The following PDE4D variants were observed in gnomAD, a reference collection of about 807,000 sequenced individuals.
PDE4D encodes phosphodiesterase 4D.
In PDE4D, 24 loss-of-function variants were observed where a neutral mutation model predicts 87.4. That is an observed-to-expected ratio of 0.27 (90% CI 0.20 to 0.39). The LOEUF is 0.39. Among genes scored for constraint, PDE4D ranks in the 10% least tolerant of loss-of-function variants. PDE4D has a pLI of 1.00. For missense variants in PDE4D, 714 were observed against 1,041.0 expected (o/e 0.69, Z 4.32); for synonymous variants, 384 against 383.2 (o/e 1.00, Z -0.02).
At position 59,893,231 on chromosome 5, in the gene PDE4D, C is replaced by G. The variant is rs752782297; in HGVS notation, c.392G>C (p.Gly131Ala). ...MDRTSYAVETGHRPGLKKSRM... is the reference protein window; with the variant it reads ...MDRTSYAVETAHRPGLKKSRM... ...GGATTTCTTCAGGCCGGGCCGGTGG[C>G]CGGTCTCCACCGCGTAGGAGGTGCG... Residue 131 changes from glycine to alanine, a missense_variant, in exon 1 of 15, where the codon GGC (glycine) becomes GCC (alanine). By Grantham distance (60) the Gly-to-Ala change is moderately conservative (BLOSUM62 0). Around this residue, in one of 7 missense-constraint regions of PDE4D, gnomAD observed 268 missense variants for 272.9 expected, o/e 0.98. Coordinates refer to ENST00000340635, the MANE Select transcript of PDE4D (RefSeq NM_001104631.2). 1.3e-6 allele frequency: 2 copies of G among 1,558,688 alleles called. No individual in the cohort carries two copies. Among genetic ancestry groups the G allele is most frequent in the Middle Eastern group, 1.7e-4 (1 of 5,994 alleles).
At chr5:59,030,902 T>C (rs1459992985) in intron 6 of PDE4D, among the ~76,000 whole-genome samples, 1 of 152,134 alleles carries the variant, frequency 6.6e-6, no homozygotes, top group East Asian at 1.9e-4. Flanking sequence ...GTTTGTTACA[T>C]AGGTAAACAT....
At chr5:59,768,400 A>T (rs1561630827) in intron 1 of PDE4D, 1 of 1,598,410 alleles carries the variant, frequency 6.3e-7, no homozygotes, top group Non-Finnish European at 8.5e-7. Flanking sequence ...ATGCTGCAAC[A>T]GGTTTTCTCG....
At chr5:60,165,050 C>T (rs2149470121) in intron 2 of PDE4D, among the ~76,000 whole-genome samples, 1 of 152,286 alleles carries the variant, frequency 6.6e-6, no homozygotes, top group South Asian at 2.1e-4. Context: ...CCTCCCCCAA[C>T]CTGTCTAGCC....
chr5:60,160,618 T>C (rs1782393009), intron 2 of PDE4D, among the ~76,000 whole-genome samples: 1 of 152,168 alleles, frequency 6.6e-6, no homozygotes, highest in Admixed American at 6.5e-5. Flanking sequence ...ATCTATCAAA[T>C]CTCATTGGTT....
intron 1 of PDE4D, among the ~76,000 whole-genome samples, chr5:59,536,321 C>T (rs1031325715): frequency 1.6e-4 from 25 of 151,520 alleles, no homozygotes; most frequent in Non-Finnish European, 3.4e-4. Flanking sequence ...CTGGCTAACA[C>T]GATGAAACCC....
intron 1 of PDE4D, among the ~76,000 whole-genome samples, chr5:60,306,726 G>A (rs1257229361): frequency 1.3e-5 from 2 of 151,984 alleles, no homozygotes; most frequent in Non-Finnish European, 2.9e-5. Context: ...TCTGATTAAC[G>A]TGACAGACTA....
intron 1 of PDE4D, among the ~76,000 whole-genome samples, chr5:59,619,780 G>A: frequency 6.6e-6 from 1 of 152,072 alleles, no homozygotes; most frequent in East Asian, 1.9e-4. Context: ...CAAAGACTAA[G>A]AAAAAATTTC....
intron 1 of PDE4D, among the ~76,000 whole-genome samples, chr5:59,635,442 A>G (rs971589472): frequency 3.3e-5 from 5 of 152,312 alleles, no homozygotes; most frequent in Admixed American, 2.6e-4. Context: ...CAAAAAAAGA[A>G]AATCTCAGGC....
Position 59,683,691 on chromosome 5 carries a change from C to T in PDE4D, c.455+209477G>A, listed in dbSNP as rs192051994. 1.9e-3 allele frequency among the ~76,000 whole-genome samples: 283 copies of T among 152,230 alleles called. 6 individuals carry two copies. The highest frequency in any genetic ancestry group is 0.016 in the Admixed American group (237 of 15,290). On this transcript the variant is annotated intron_variant, in intron 1 of 14. Coordinates refer to ENST00000340635, the MANE Select transcript of PDE4D (RefSeq NM_001104631.2). ...GCTAAATCGTTCCATTACATTTTGG[C>T]CTTATGCCCTATATTTTTATCTTCT... is the stretch of plus-strand genomic sequence containing the variant.
intron 5 of PDE4D, among the ~76,000 whole-genome samples, chr5:59,155,276 G>A (rs952972716): frequency 5.9e-5 from 9 of 152,198 alleles, no homozygotes; most frequent in Admixed American, 2.6e-4. Flanking sequence ...AGACCATGAA[G>A]AATAGTGAAA....
chr5:59,913,991 T>A (rs185518222), intron 3 of PDE4D, among the ~76,000 whole-genome samples: 1 of 152,158 alleles, frequency 6.6e-6, no homozygotes, highest in African/African-American at 2.4e-5. Context: ...CCTTCTTAAA[T>A]ATGGTTTAAG....
At chr5:59,519,525 A>C (rs1013749163) in intron 1 of PDE4D, among the ~76,000 whole-genome samples, 5 of 152,210 alleles carry the variant, frequency 3.3e-5, no homozygotes, top group African/African-American at 1.2e-4. Context: ...TTCAGGGAAC[A>C]CCAGTGAAGT....
rs1164383460 is a variant in PDE4D, at chr5:59,094,216, C to CAAAAA, written c.809-55250_809-55246dup. On this transcript the variant is annotated intron_variant, in intron 5 of 14. Transcript: ENST00000340635. The stretch of plus-strand genomic sequence containing the variant: ...CTGGTGACAGAGCAAGACTCCGTCT[C>CAAAAA]AAAAAAAAAAAAAAAAAAAAAAAAA... Among the ~76,000 whole-genome samples the CAAAAA allele has an allele frequency of 4.1e-4, 6 of 14,562 alleles. 1 individual carries two copies. Among genetic ancestry groups the CAAAAA allele is most frequent in the African/African-American group, 6.5e-4 (4 of 6,162 alleles). 9.6% of individuals were successfully genotyped at this position (14,562 alleles called of 152,430 possible). A position where few individuals can be genotyped will look rare whatever the true frequency, so the allele number is the denominator to read the frequency against.
intron 3 of PDE4D, among the ~76,000 whole-genome samples, chr5:59,927,387 T>C (rs6890086): frequency 0.021 from 3,223 of 152,290 alleles, 120 homozygotes; most frequent in African/African-American, 0.074. Flanking sequence ...CATCCTGCAT[T>C]CTTGTACTAG....
intron 1 of PDE4D, among the ~76,000 whole-genome samples, chr5:59,575,369 T>A (rs546609149): frequency 1.3e-5 from 2 of 152,206 alleles, no homozygotes; most frequent in Non-Finnish European, 2.9e-5. Context: ...TACAGACTTT[T>A]ATCTCACCAG....
At chr5:59,954,684 T>C (rs2152806561) in intron 3 of PDE4D, among the ~76,000 whole-genome samples, 1 of 152,240 alleles carries the variant, frequency 6.6e-6, no homozygotes, top group East Asian at 1.9e-4. Context: ...TTTCAGGATA[T>C]CCCTACCATG....
chr5:60,136,605 C>T (rs375382818), intron 2 of PDE4D, among the ~76,000 whole-genome samples: 1 of 152,154 alleles, frequency 6.6e-6, no homozygotes, highest in East Asian at 1.9e-4. Flanking sequence ...ATTTTTAAAC[C>T]ATAGCATTGT....
intron 3 of PDE4D, among the ~76,000 whole-genome samples, chr5:59,967,751 T>C (rs1184436859): frequency 6.6e-6 from 1 of 152,136 alleles, no homozygotes; most frequent in Non-Finnish European, 1.5e-5. Context: ...ACCAGGTATA[T>C]ACTTCCACAA....
At chr5:60,078,993 A>G (rs1464691619) in intron 2 of PDE4D, among the ~76,000 whole-genome samples, 1 of 152,186 alleles carries the variant, frequency 6.6e-6, no homozygotes, top group Non-Finnish European at 1.5e-5. Context: ...ACTAATTTAC[A>G]TTTCCACCAA....
Sources: gnomAD v4.1 joint callset for allele counts (sites outside exome capture counted in the v4.1 genomes callset) on GRCh38, gnomAD v4.1.1 for gene constraint, gnomAD v4.1.1 regional missense constraint, MANE v1.5 for transcripts, NCBI Gene and HGNC (gene_info 2026-07-23, HGNC 2026-07-21) for gene names.